The following NOSIP variants were observed in gnomAD, a reference collection of about 807,000 sequenced individuals.
NOSIP encodes nitric oxide synthase interacting protein, also known as nitric oxide synthase-interacting protein.
Under a neutral mutation model 36.4 loss-of-function variants are expected in NOSIP, and 25 were observed. The observed-to-expected ratio is 0.69, with a 90% confidence interval of 0.50 to 0.96. The LOEUF is 0.96. Ranked by LOEUF, NOSIP falls within the 40% of genes least tolerant of loss-of-function variation. The pLI is 0.00. For synonymous variants in NOSIP, 187 were observed against 179.2 expected (o/e 1.04, Z -0.35); for missense variants, 370 against 429.0 (o/e 0.86, Z 1.21).
chr19:49,558,753 A>G, intron 4 of NOSIP, 144 bp downstream of exon 4: 1 of 731,944 alleles, frequency 1.4e-6, no homozygotes, highest in Non-Finnish European at 2.4e-6. Flanking sequence ...GAAATCGGTG[A>G]GAAGGATTTG....
At chr19:49,573,790 T>TTATTTTATG (rs1353357181) in intron 1 of NOSIP, among the ~76,000 whole-genome samples, 1 of 151,528 alleles carries the variant, frequency 6.6e-6, no homozygotes, top group East Asian at 1.9e-4. Flanking sequence ...TTATTTTATT[T>TTATTTTATG]TATGTATGTA....
intron 1 of NOSIP, among the ~76,000 whole-genome samples, chr19:49,576,689 A>T (rs1311741022): frequency 3.3e-5 from 5 of 152,004 alleles, no homozygotes; most frequent in Non-Finnish European, 7.4e-5. Context: ...ATTCGAGACC[A>T]GCCTGACCAA....
At chr19:49,566,051 GCT>G (rs548662653) in intron 1 of NOSIP, among the ~76,000 whole-genome samples, 79 of 147,388 alleles carry the variant, frequency 5.4e-4, no homozygotes, top group Middle Eastern at 3.5e-3. Context: ...AGACAGTCTC[GCT>G]CTGTCGTCCA....
chr19:49,563,214 T>G (rs867657185), intron 1 of NOSIP, among the ~76,000 whole-genome samples: 6 of 152,136 alleles, frequency 3.9e-5, no homozygotes, highest in Non-Finnish European at 5.9e-5. Flanking sequence ...CTCACTCTGT[T>G]GTCCAGGCTG....
At chr19:49,572,222 C>T (rs1368883320) in intron 1 of NOSIP, among the ~76,000 whole-genome samples, 1 of 151,018 alleles carries the variant, frequency 6.6e-6, no homozygotes, top group African/African-American at 2.4e-5. Context: ...TCTCCTGCCT[C>T]AGCCTTCCAG....
Position 49,555,826 on chromosome 19 carries a change from G to C in NOSIP, c.835-4C>G, listed in dbSNP as rs181358097. Reference sequence around the variant, plus strand: ...AGCCCGCGAAGCCGGTACCGCCCTGGGGGAGGTAGAGAGAAGGACGAGGTA... The same window carrying C: ...AGCCCGCGAAGCCGGTACCGCCCTGCGGGAGGTAGAGAGAAGGACGAGGTA... On this transcript the variant is annotated splice_polypyrimidine_tract_variant and splice_region_variant and intron_variant, in intron 8 of 8. Coordinates refer to ENST00000596358, the MANE Select transcript of NOSIP (RefSeq NM_001270960.2). The C allele has an allele frequency of 1.6e-3, 2,563 of 1,612,350 alleles. 46 individuals carry two copies. In the African/African-American group the frequency reaches 0.031, roughly 20 times the overall value.
chr19:49,564,004 TTAATAA>T (rs927934021), intron 1 of NOSIP, among the ~76,000 whole-genome samples: 24 of 152,204 alleles, frequency 1.6e-4, no homozygotes, highest in African/African-American at 5.8e-4. Context: ...AACTGTTGTC[TTAATAA>T]TACTAAGACA....
chr19:49,569,337 G>T (rs1366856429), intron 1 of NOSIP, among the ~76,000 whole-genome samples: 1 of 150,252 alleles, frequency 6.7e-6, no homozygotes, highest in Non-Finnish European at 1.5e-5. Context: ...GGGACTACAG[G>T]CACCTGCCAC....
intron 1 of NOSIP, chr19:49,566,617 T>A (rs983028315): frequency 1.3e-5 from 2 of 151,960 alleles, no homozygotes; most frequent in African/African-American, 4.8e-5. Flanking sequence ...TTAAGATAAA[T>A]TTTAAAAGTG....
Position 49,559,913 on chromosome 19 carries a change from C to G in NOSIP, c.176+21G>C, listed in dbSNP as rs372098818. The G allele has an allele frequency of 4.4e-6, 7 of 1,581,834 alleles. No individual in the cohort carries two copies. In the African/African-American group the frequency reaches 8.1e-5, roughly 18 times the overall value. On this transcript the variant is annotated intron_variant, in intron 3 of 8. Transcript: ENST00000596358. ...CCTTGCTCTCCCCACCCAGACCTAC[C>G]CATCCCTGTTCCCAGCTCACGTGAC...
chr19:49,574,962 A>C (rs2080532305), intron 1 of NOSIP, among the ~76,000 whole-genome samples: 1 of 150,104 alleles, frequency 6.7e-6, no homozygotes, highest in African/African-American at 2.5e-5. Context: ...TCCAGGGTTC[A>C]TGCCATTCTC....
rs2080252494 is a variant in NOSIP at position 49,556,666 on chromosome 19, G to A, written c.608C>T (p.Thr203Ile). Residue 203 changes from threonine (T) to isoleucine (I), a missense_variant, in exon 7 of 9, where the codon ACA (threonine) becomes ATA (isoleucine). Thr to Ile is a moderately conservative substitution (Grantham distance 89). This residue lies in a region of NOSIP where 315 missense variants were observed against 331.9 expected (regional missense o/e 0.95). Coordinates refer to ENST00000596358, the MANE Select transcript of NOSIP (RefSeq NM_001270960.2). ...RMSDLTPVHF[T>I]PLDSSVDRVG... The stretch of plus-strand genomic sequence containing the variant: ...GCGGTCCACGGAGCTGTCTAGCGGT[G>A]TGAAGTGCACGGGCGTCAGGTCCGA... 6.2e-6 allele frequency: 10 copies of A among 1,611,894 alleles called. No homozygotes were observed. The highest frequency in any genetic ancestry group is 8.5e-6 in the Non-Finnish European group (10 of 1,179,514).
chr19:49,561,883 T>TA (rs35018027), intron 1 of NOSIP, among the ~76,000 whole-genome samples: 11,688 of 129,946 alleles, frequency 0.09, 605 homozygotes, highest in South Asian at 0.22. Context: ...CTGTCACAAT[T>TA]AAAAAAAAAA....
intron 4 of NOSIP, chr19:49,557,935 G>A: frequency 2.0e-6 from 2 of 987,112 alleles, no homozygotes; most frequent in Non-Finnish European, 2.4e-6. Context: ...CATGGGCACA[G>A]GGGGAGCCAC....
Position 49,557,035 on chromosome 19 carries a change from C to A in NOSIP, c.419-42G>T, listed in dbSNP as rs200095228. ...GGACTCAGATGCCGCCCCCTGGGCC[C>A]GCCCAGCCCGCGGCGCCCCGCCCCC... is the stretch of plus-strand genomic sequence containing the variant. On this transcript the variant is annotated intron_variant, in intron 5 of 8. Transcript: ENST00000596358. The A allele has an allele frequency of 2.5e-6, 4 of 1,589,672 alleles. No individual in the cohort carries two copies. In the East Asian group the frequency reaches 9.1e-5, roughly 36 times the overall value.
chr19:49,577,066 C>G (rs1353208161), intron 1 of NOSIP, among the ~76,000 whole-genome samples: 1 of 151,948 alleles, frequency 6.6e-6, no homozygotes, highest in South Asian at 2.1e-4. Flanking sequence ...TAAAAGACAC[C>G]AGTTCACACC....
chr19:49,572,240 G>A (rs2080494497), intron 1 of NOSIP, among the ~76,000 whole-genome samples: 2 of 151,036 alleles, frequency 1.3e-5, no homozygotes, highest in South Asian at 2.1e-4. Context: ...CAGGTAGCTG[G>A]GATTACAGGC....
intron 1 of NOSIP, among the ~76,000 whole-genome samples, chr19:49,578,076 T>C (rs756303741): frequency 1.3e-5 from 2 of 152,082 alleles, no homozygotes; most frequent in African/African-American, 2.4e-5. Flanking sequence ...CACCACTGAA[T>C]TGTATATTTT....
chr19:49,557,288 G>C (rs919224519), intron 4 of NOSIP, 39 bp from the exon 5 acceptor site: 1 of 1,533,826 alleles, frequency 6.5e-7, no homozygotes, highest in Admixed American at 2.0e-5. Flanking sequence ...TGCCCGTGGG[G>C]CTGGGGGTAT....
Sources: gnomAD v4.1 joint callset for allele counts (sites outside exome capture counted in the v4.1 genomes callset) on GRCh38, gnomAD v4.1.1 for gene constraint, gnomAD v4.1.1 regional missense constraint, MANE v1.5 for transcripts, NCBI Gene and HGNC (gene_info 2026-07-23, HGNC 2026-07-21) for gene names.